The following FSIP1 variants were observed in gnomAD, a reference collection of about 807,000 sequenced individuals.
FSIP1 encodes the protein fibrous sheath interacting protein 1.
FSIP1 carries 65 observed loss-of-function variants against 60.9 expected under a neutral mutation model. The observed-to-expected ratio is 1.07, with a 90% CI of 0.87 to 1.31. The LOEUF is 1.31. Among genes scored for constraint, FSIP1 ranks in the 40% most tolerant of loss-of-function variants. FSIP1 has a pLI of 0.00. For missense variants in FSIP1, 675 were observed against 665.5 expected (o/e 1.01, Z -0.16); for synonymous variants, 209 against 221.2 (o/e 0.94, Z 0.49).
chr15:39,603,876 C>T (rs1325916039), intron 11 of FSIP1, among the ~76,000 whole-genome samples: 1 of 152,180 alleles, frequency 6.6e-6, no homozygotes, highest in Non-Finnish European at 1.5e-5. Context: ...GTAACATGCA[C>T]ACAAATCACC....
intron 10 of FSIP1, among the ~76,000 whole-genome samples, chr15:39,652,991 C>T (rs2140438842): frequency 6.6e-6 from 1 of 151,980 alleles, no homozygotes; most frequent in Middle Eastern, 3.4e-3. Context: ...GCCTAAGCAA[C>T]ATGGCAAAAC....
intron 11 of FSIP1, among the ~76,000 whole-genome samples, chr15:39,615,540 A>G (rs578145786): frequency 6.6e-6 from 1 of 152,214 alleles, no homozygotes; most frequent in East Asian, 1.9e-4. Context: ...AAGAAAATGT[A>G]AATTAAAATC....
At chr15:39,683,037 A>G (rs367715707) in intron 10 of FSIP1, among the ~76,000 whole-genome samples, 1 of 152,192 alleles carries the variant, frequency 6.6e-6, no homozygotes, top group Non-Finnish European at 1.5e-5. Flanking sequence ...AAGGGTGGAA[A>G]CAAAATACAC....
chr15:39,618,284 TGAGTA>T, intron 10 of FSIP1, 39 bp from the exon 11 acceptor site: 1 of 1,524,924 alleles, frequency 6.6e-7, no homozygotes, highest in African/African-American at 1.4e-5. Context: ...GTCAGTTGAC[TGAGTA>T]AACACATTTA....
intron 10 of FSIP1, among the ~76,000 whole-genome samples, chr15:39,659,432 CTCAGG>C (rs1490173292): frequency 6.6e-6 from 1 of 151,672 alleles, no homozygotes; most frequent in African/African-American, 2.4e-5. Context: ...GTCCCAGCTA[CTCAGG>C]AGGCTGAGGC....
chr15:39,620,757 AAT>A (rs35811726), intron 10 of FSIP1, among the ~76,000 whole-genome samples: 35 of 144,552 alleles, frequency 2.4e-4, no homozygotes, highest in Non-Finnish European at 3.0e-4. Context: ...ACACCTGGCT[AAT>A]ATATATATAT....
chr15:39,600,954 A>C, intron 11 of FSIP1, 28 bp from the exon 12 acceptor site: 1 of 1,572,552 alleles, frequency 6.4e-7, no homozygotes, highest in Middle Eastern at 1.7e-4. Flanking sequence ...AACCACAGTT[A>C]TTAGAGATTC....
intron 3 of FSIP1, 129 bp from the exon 4 acceptor site, chr15:39,765,875 C>A: frequency 1.9e-6 from 1 of 513,262 alleles, no homozygotes; most frequent in Non-Finnish European, 3.4e-6. Flanking sequence ...TACATTGGTA[C>A]CATGTATCTC....
intron 10 of FSIP1, among the ~76,000 whole-genome samples, chr15:39,649,723 A>G (rs1412351194): frequency 6.6e-6 from 1 of 152,160 alleles, no homozygotes; most frequent in African/African-American, 2.4e-5. Context: ...CCAGGAACCA[A>G]CAAAGCGTTC....
intron 10 of FSIP1, among the ~76,000 whole-genome samples, chr15:39,652,590 C>T (rs988865078): frequency 3.9e-5 from 6 of 152,204 alleles, no homozygotes; most frequent in African/African-American, 1.4e-4. Flanking sequence ...CTTATCTAAG[C>T]AGGCTTCCTT....
chr15:39,773,161 T>A lies in FSIP1; in HGVS notation c.127-2551A>T, dbSNP rs368620948. Among the ~76,000 whole-genome samples the A allele has an allele frequency of 3.3e-5, 5 of 152,264 alleles. 1 individual carries two copies. The highest frequency in any genetic ancestry group is 6.5e-5 in the Admixed American group (1 of 15,292). On this transcript the variant is annotated intron_variant, in intron 2 of 11. Coordinates refer to ENST00000350221, the MANE Select transcript of FSIP1 (RefSeq NM_152597.5). ...AGCTCATTTTCTGCTGTGAAAAAAA[T>A]CTTTGGTAAGAATTTAATAAAAGAC...
At chr15:39,645,794 C>G (rs1047521464) in intron 10 of FSIP1, among the ~76,000 whole-genome samples, 1 of 152,238 alleles carries the variant, frequency 6.6e-6, no homozygotes, top group Non-Finnish European at 1.5e-5. Flanking sequence ...GGCCTCTCTC[C>G]GCTCCCAGTC....
At chr15:39,759,635 A>T (rs1303994102) in intron 5 of FSIP1, among the ~76,000 whole-genome samples, 1 of 152,148 alleles carries the variant, frequency 6.6e-6, no homozygotes, top group East Asian at 1.9e-4. Flanking sequence ...TTCAAACAAC[A>T]GAAGTTATTC....
chr15:39,763,812 T>A lies in FSIP1; in HGVS notation c.559+9A>T. On this transcript the variant is annotated intron_variant, in intron 5 of 11. Transcript: ENST00000350221. Reference sequence around the variant, plus strand: ...AAAACAAAGTTGAATGACATCTCCATCTACTCACCAACAGTTTCTTCAGAA... The same window carrying A: ...AAAACAAAGTTGAATGACATCTCCAACTACTCACCAACAGTTTCTTCAGAA... 1 of 1,394,466 alleles carries A rather than the reference T, an allele frequency of 7.2e-7. No individual in the cohort carries two copies. The highest frequency in any genetic ancestry group is 1.0e-6 in the Non-Finnish European group (1 of 984,118). The allele number at this position is 1,394,466 out of a possible 1,614,324, so 86.4% of individuals were successfully genotyped here.
intron 10 of FSIP1, among the ~76,000 whole-genome samples, chr15:39,674,008 G>C (rs9920909): frequency 6.6e-6 from 1 of 151,402 alleles, no homozygotes; most frequent in Non-Finnish European, 1.5e-5. Flanking sequence ...ATAAACTTTA[G>C]TAAATTAAGT....
At chr15:39,688,346 C>T (rs867185740) in intron 10 of FSIP1, among the ~76,000 whole-genome samples, 1 of 152,176 alleles carries the variant, frequency 6.6e-6, no homozygotes, top group African/African-American at 2.4e-5. Flanking sequence ...TCCAGCCTAC[C>T]TTAAACATGC....
At chr15:39,669,095 G>A (rs1015577810) in intron 10 of FSIP1, among the ~76,000 whole-genome samples, 3 of 152,158 alleles carry the variant, frequency 2.0e-5, no homozygotes, top group Non-Finnish European at 4.4e-5. Flanking sequence ...GCTGTGGAGT[G>A]GGTGGTCAGC....
At chr15:39,656,457 C>T (rs1289118842) in intron 10 of FSIP1, among the ~76,000 whole-genome samples, 1 of 152,176 alleles carries the variant, frequency 6.6e-6, no homozygotes, top group Non-Finnish European at 1.5e-5. Flanking sequence ...GTCTTCCAAC[C>T]TCCTTCCTCT....
intron 10 of FSIP1, among the ~76,000 whole-genome samples, chr15:39,659,229 T>C (rs1417840878): frequency 1.3e-5 from 2 of 152,172 alleles, no homozygotes; most frequent in Non-Finnish European, 2.9e-5. Flanking sequence ...TGGTGAAGGA[T>C]GTACCCTCTG....
Sources: allele counts gnomAD v4.1 joint callset (sites outside exome capture counted in the v4.1 genomes callset), GRCh38; gene constraint gnomAD v4.1.1; transcripts MANE v1.5; gene names NCBI Gene and HGNC (gene_info 2026-07-23, HGNC 2026-07-21).